The following ACOT7 variants were observed in gnomAD, a reference collection of about 807,000 sequenced individuals.
ACOT7 encodes cytosolic acyl coenzyme A thioester hydrolase.
ACOT7 carries 12 observed loss-of-function variants against 40.2 expected under a neutral mutation model. That is an observed-to-expected ratio of 0.30 (90% confidence interval 0.19 to 0.48). The LOEUF (loss-of-function observed/expected upper bound fraction) is 0.48. Ranked by LOEUF, ACOT7 falls within the 20% of genes least tolerant of loss-of-function variation. The pLI, the probability that ACOT7 is intolerant of heterozygous loss-of-function variation, is 0.99. For synonymous variants in ACOT7, 228 were observed against 219.5 expected (o/e 1.04, Z -0.34); for missense variants, 395 against 530.8 (o/e 0.74, Z 2.51).
intron 7 of ACOT7, among the ~76,000 whole-genome samples, chr1:6,291,941 C>T (rs576280518): frequency 1.3e-5 from 2 of 152,326 alleles, no homozygotes; most frequent in South Asian, 2.1e-4. Flanking sequence ...ATCTAAGGTG[C>T]AGTATCCTAG....
At chr1:6,379,764 T>C (rs1642300839) in intron 1 of ACOT7, among the ~76,000 whole-genome samples, 1 of 151,690 alleles carries the variant, frequency 6.6e-6, no homozygotes, top group Non-Finnish European at 1.5e-5. Context: ...ATCTATCCTA[T>C]AAAACTCTTT....
chr1:6,335,492 T>TA (rs914811590), intron 3 of ACOT7, among the ~76,000 whole-genome samples: 3 of 151,886 alleles, frequency 2.0e-5, no homozygotes, highest in Non-Finnish European at 2.9e-5. Flanking sequence ...GGCCCTGTCT[T>TA]AAAAAAATAA....
Position 6,375,288 on chromosome 1 carries a change from G to A in ACOT7, c.143+17969C>T, listed in dbSNP as rs968977780. 3.1e-3 allele frequency among the ~76,000 whole-genome samples: 472 copies of A among 150,762 alleles called. 4 individuals are homozygous for A. The highest frequency in any genetic ancestry group is 0.011 in the African/African-American group (456 of 41,086). ...AAAAAAAAAAAAAAAAGATAATGGAGACAAGCCACAGACTGAGGAAAATGT... is the reference window on the plus strand; with the variant it reads ...AAAAAAAAAAAAAAAAGATAATGGAAACAAGCCACAGACTGAGGAAAATGT... On this transcript the variant is annotated intron_variant, in intron 1 of 8. Coordinates refer to ENST00000361521, the MANE Select transcript of ACOT7 (RefSeq NM_007274.4).
chr1:6,296,096 A>G (rs1047684848), intron 6 of ACOT7, among the ~76,000 whole-genome samples: 7 of 152,020 alleles, frequency 4.6e-5, no homozygotes, highest in African/African-American at 1.7e-4. Flanking sequence ...GGGTCTTGCT[A>G]TGTTGCCCAG....
chr1:6,328,386 C>G (rs1305067848), intron 4 of ACOT7, among the ~76,000 whole-genome samples: 1 of 152,128 alleles, frequency 6.6e-6, no homozygotes, highest in Non-Finnish European at 1.5e-5. Context: ...ACAGGCCGGG[C>G]ATGGTGGCTC....
intron 8 of ACOT7, among the ~76,000 whole-genome samples, chr1:6,271,901 C>T (rs1042368759): frequency 3.3e-5 from 5 of 152,248 alleles, no homozygotes; most frequent in Admixed American, 2.6e-4. Flanking sequence ...ATCGTCACCA[C>T]AAAGGGGAGA....
Position 6,286,429 on chromosome 1 carries a change from A to G in ACOT7, c.830-5143T>C, listed in dbSNP as rs181561867. On this transcript the variant is annotated intron_variant, in intron 7 of 8. Coordinates refer to ENST00000361521, the MANE Select transcript of ACOT7 (RefSeq NM_007274.4). ...ATTCATGACAAAGTGTCTCATCAGG[A>G]AAGGCAGGGCTCTTCGAGGCCCTGG... 5.3e-5 allele frequency among the ~76,000 whole-genome samples: 8 copies of G among 152,308 alleles called. No homozygotes were observed. The East Asian group carries it at 1.5e-3, about 29-fold the overall frequency.
At chr1:6,280,991 T>C (rs1303544413) in intron 8 of ACOT7, 111 bp downstream of exon 8, 1 of 1,428,090 alleles carries the variant, frequency 7.0e-7, no homozygotes, top group Non-Finnish European at 9.5e-7. Context: ...CTCTGACCCC[T>C]ACTGACAGGA....
At chr1:6,270,885 CCTT>C (rs1639014023) in intron 8 of ACOT7, among the ~76,000 whole-genome samples, 1 of 152,150 alleles carries the variant, frequency 6.6e-6, no homozygotes, top group Non-Finnish European at 1.5e-5. Flanking sequence ...CCCGGGGTCA[CCTT>C]AACGCAGCGG....
intron 6 of ACOT7, among the ~76,000 whole-genome samples, chr1:6,315,708 G>A (rs1398683049): frequency 1.5e-5 from 2 of 133,626 alleles, no homozygotes; most frequent in East Asian, 2.3e-4. Flanking sequence ...CCGAGATCAC[G>A]CCACTACACT....
rs748205509 is a variant in ACOT7 at position 6,367,641 on chromosome 1, G to T, written c.144-17775C>A. Among the ~76,000 whole-genome samples the T allele has an allele frequency of 5.2e-4, 79 of 152,352 alleles. 1 individual carries two copies. The highest frequency in any genetic ancestry group is 1.0e-3 in the Non-Finnish European group (68 of 68,038). ...CTGGTTGGCACACGGGAATGCTGTG[G>T]TGCCTGGAAGCTTGGTGACGCCAGG... is the stretch of plus-strand genomic sequence containing the variant. On this transcript the variant is annotated intron_variant, in intron 1 of 8. Coordinates refer to ENST00000361521, the MANE Select transcript of ACOT7 (RefSeq NM_007274.4).
At chr1:6,331,327 C>T (rs999764273) in intron 4 of ACOT7, among the ~76,000 whole-genome samples, 3 of 152,312 alleles carry the variant, frequency 2.0e-5, no homozygotes, top group East Asian at 3.9e-4. Flanking sequence ...GGCCCTGAGC[C>T]CAGTGACCCG....
chr1:6,357,385 T>C (rs1272692890), intron 1 of ACOT7, among the ~76,000 whole-genome samples: 1 of 152,206 alleles, frequency 6.6e-6, no homozygotes, highest in Non-Finnish European at 1.5e-5. Flanking sequence ...GTCTGGGGTA[T>C]AGGCAGGTCA....
intron 1 of ACOT7, among the ~76,000 whole-genome samples, chr1:6,370,395 C>T (rs1431673192): frequency 6.6e-6 from 1 of 151,912 alleles, no homozygotes; most frequent in Non-Finnish European, 1.5e-5. Context: ...CAAAATTAAT[C>T]TCCTTGTGCA....
At chr1:6,325,734 T>C (rs780278927) in intron 5 of ACOT7, among the ~76,000 whole-genome samples, 1 of 152,210 alleles carries the variant, frequency 6.6e-6, no homozygotes, top group Non-Finnish European at 1.5e-5. Context: ...TCCTGCTGCA[T>C]GCCAGCAGCC....
intron 1 of ACOT7, among the ~76,000 whole-genome samples, chr1:6,350,625 C>T (rs1223072345): frequency 3.3e-5 from 5 of 152,250 alleles, no homozygotes; most frequent in Non-Finnish European, 7.3e-5. Context: ...CCAGACAGCA[C>T]CCAGCTGATG....
intron 2 of ACOT7, among the ~76,000 whole-genome samples, chr1:6,347,090 G>C (rs1361409773): frequency 2.0e-5 from 3 of 152,256 alleles, no homozygotes; most frequent in African/African-American, 7.2e-5. Context: ...CCACAGACTG[G>C]AAGGCACCAC....
chr1:6,364,475 A>G (rs1641957074), intron 1 of ACOT7, among the ~76,000 whole-genome samples: 2 of 151,056 alleles, frequency 1.3e-5, no homozygotes, highest in African/African-American at 4.9e-5. Flanking sequence ...CGGGAGGCAG[A>G]AGTTGCAGTG....
At chr1:6,335,761 G>T (rs977667951) in intron 3 of ACOT7, among the ~76,000 whole-genome samples, 1 of 152,190 alleles carries the variant, frequency 6.6e-6, no homozygotes, top group Admixed American at 6.5e-5. Flanking sequence ...CCTCCTCCCC[G>T]CACAGAACAC....
Sources: gnomAD v4.1 joint callset for allele counts (sites outside exome capture counted in the v4.1 genomes callset) on GRCh38, gnomAD v4.1.1 for gene constraint, MANE v1.5 for transcripts, NCBI Gene and HGNC (gene_info 2026-07-23, HGNC 2026-07-21) for gene names.